RAB3IL1: variants seen among roughly 807,000 people sequenced by gnomAD.
The protein encoded by RAB3IL1 is RAB3A interacting protein like 1, also known as guanine nucleotide exchange factor for Rab-3A.
A neutral mutation model predicts 49.2 loss-of-function variants in RAB3IL1; 37 were observed. That is an observed-to-expected ratio of 0.75 (90% CI 0.58 to 0.99). The LOEUF is 0.99. Ranked by LOEUF, RAB3IL1 falls within the 50% of genes least tolerant of loss-of-function variation. The pLI is 0.00. For missense variants in RAB3IL1, 484 were observed against 513.0 expected (o/e 0.94, Z 0.55); for synonymous variants, 193 against 213.9 (o/e 0.90, Z 0.85).
the RAB3IL1 span, among the ~76,000 whole-genome samples, chr11:61,928,722 C>G: frequency 1.3e-5 from 2 of 152,202 alleles, no homozygotes; most frequent in African/African-American, 2.4e-5. Context: ...TGGTGACACC[C>G]CTGGCTCCAG....
chr11:61,899,030 A>G, intron 9 of RAB3IL1: 1 of 545,382 alleles, frequency 1.8e-6, no homozygotes, highest in East Asian at 3.6e-5. Context: ...GACCAGGAGG[A>G]GGGGCCACCA....
upstream of RAB3IL1, among the ~76,000 whole-genome samples, chr11:61,925,123 A>G (rs1430049252): frequency 6.6e-6 from 1 of 152,108 alleles, no homozygotes; most frequent in Admixed American, 6.6e-5. Context: ...GTGGTCCTTC[A>G]TTGCTTTCTG....
the RAB3IL1 span, among the ~76,000 whole-genome samples, chr11:61,943,972 T>C: frequency 3.3e-5 from 5 of 152,228 alleles, no homozygotes; most frequent in South Asian, 1.0e-3. Flanking sequence ...AGTTTCCTAA[T>C]TGTTTATAAC....
intron 1 of RAB3IL1, 109 bp downstream of exon 1, chr11:61,917,248 C>A: frequency 7.7e-7 from 1 of 1,296,448 alleles, no homozygotes; most frequent in East Asian, 3.2e-5. Flanking sequence ...GGGCGCACAG[C>A]ACCTCCGGGT....
At chr11:61,909,797 C>G (rs1352531967) in intron 1 of RAB3IL1, among the ~76,000 whole-genome samples, 1 of 152,236 alleles carries the variant, frequency 6.6e-6, no homozygotes, top group Middle Eastern at 3.2e-3. Flanking sequence ...TCTGACCACG[C>G]TGTCTCCTTT....
rs961934587 is a variant in RAB3IL1 at position 61,906,828 on chromosome 11, G to A, written c.439-144C>T. The A allele has an allele frequency of 5.0e-6, 4 of 792,274 alleles. No individual in the cohort carries two copies. The highest frequency in any genetic ancestry group is 1.7e-5 in the African/African-American group (1 of 58,984). 49.1% of individuals were successfully genotyped at this position (792,274 alleles called of 1,614,324 possible). A position where few individuals can be genotyped will look rare whatever the true frequency, so the allele number is the denominator to read the frequency against. ...CCGACGCCCTCAGAACAGCCTTCGA[G>A]GCAGAGACCCAGACACTCGTTTTAC... On this transcript the variant is annotated intron_variant, in intron 4 of 9. Transcript: ENST00000394836. The surrounding 1 kb of genome is among the most constrained non-coding windows in gnomAD (Gnocchi z 4.6).
chr11:61,922,666 C>T (rs1802607933), upstream of RAB3IL1, among the ~76,000 whole-genome samples: 1 of 152,194 alleles, frequency 6.6e-6, no homozygotes, highest in East Asian at 1.9e-4. Context: ...CCTCTGAGTC[C>T]CTGCTGGGGA....
At chr11:61,941,670 T>A in the RAB3IL1 span, among the ~76,000 whole-genome samples, 14 of 152,100 alleles carry the variant, frequency 9.2e-5, no homozygotes, top group Admixed American at 3.3e-4. Flanking sequence ...GAGAATGGCG[T>A]GAACCCAGGA....
intron 1 of RAB3IL1, among the ~76,000 whole-genome samples, chr11:61,911,515 C>A (rs1411435482): frequency 6.6e-6 from 1 of 152,192 alleles, no homozygotes; most frequent in Non-Finnish European, 1.5e-5. Context: ...GCCTGAAAAC[C>A]TGGCTGTGAA....
At chr11:61,930,819 A>T in the RAB3IL1 span, among the ~76,000 whole-genome samples, 1 of 152,220 alleles carries the variant, frequency 6.6e-6, no homozygotes, top group South Asian at 2.1e-4. Context: ...GAAAAACATT[A>T]TTAGTGTAGA....
At position 61,898,645 on chromosome 11, in the gene RAB3IL1, C is replaced by T. The variant is rs139055922; in HGVS notation, c.1067-285G>A. On this transcript the variant is annotated intron_variant, in intron 9 of 9. Coordinates refer to ENST00000394836, the MANE Select transcript of RAB3IL1 (RefSeq NM_013401.4). The surrounding 1 kb of genome is among the most constrained non-coding windows in gnomAD (Gnocchi z 5.1). ...CAAGCAGGTACACGCTGTCACATGCCACAGCGGTGGTCCAGACCTGGGAAC... is the reference window on the plus strand; with the variant it reads ...CAAGCAGGTACACGCTGTCACATGCTACAGCGGTGGTCCAGACCTGGGAAC... Among the ~76,000 whole-genome samples the T allele has an allele frequency of 5.2e-3, 794 of 152,360 alleles. 3 individuals are homozygous for T. Among genetic ancestry groups the T allele is most frequent in the South Asian group, 0.029 (139 of 4,828 alleles).
intron 8 of RAB3IL1, among the ~76,000 whole-genome samples, chr11:61,900,867 G>C (rs962805360): frequency 6.6e-6 from 1 of 152,182 alleles, no homozygotes; most frequent in Non-Finnish European, 1.5e-5. Context: ...TGTGGGGCCT[G>C]CTGTTGAGCC....
chr11:61,926,104 CAAAAAA>C, the RAB3IL1 span, among the ~76,000 whole-genome samples: 17 of 64,064 alleles, frequency 2.7e-4, no homozygotes, highest in African/African-American at 7.8e-4. Flanking sequence ...TCCTTCCTGC[CAAAAAA>C]AAAAAAAAAA....
upstream of RAB3IL1, among the ~76,000 whole-genome samples, chr11:61,921,509 C>A (rs1159840211): frequency 1.3e-5 from 2 of 152,134 alleles, no homozygotes; most frequent in Non-Finnish European, 2.9e-5. Flanking sequence ...TTGTTCATAC[C>A]CCCTCCTCTA....
At chr11:61,899,401 G>A (rs766842187) in intron 8 of RAB3IL1, 21 bp from the exon 9 acceptor site, 16 of 1,604,500 alleles carry the variant, frequency 1.0e-5, no homozygotes, top group African/African-American at 5.3e-5. Flanking sequence ...AGGTGGGGAC[G>A]GTGTGACCTG....
chr11:61,934,560 C>T, the RAB3IL1 span, among the ~76,000 whole-genome samples: 2 of 146,524 alleles, frequency 1.4e-5, no homozygotes, highest in Admixed American at 6.9e-5. Flanking sequence ...TCAAAAGTCC[C>T]TAAGGGCTTT....
chr11:61,909,842 C>T (rs967620407), intron 1 of RAB3IL1, among the ~76,000 whole-genome samples: 3 of 152,218 alleles, frequency 2.0e-5, no homozygotes, highest in Non-Finnish European at 4.4e-5. Flanking sequence ...TGCAGTGGCT[C>T]ACGCCTGTAA....
In RAB3IL1 at chr11:61,898,136, T is replaced by C; in HGVS notation, c.*142A>G. 5.3e-6 allele frequency: 4 copies of C among 755,468 alleles called. No homozygotes were observed. In the South Asian group the frequency reaches 6.4e-5, roughly 12 times the overall value. 46.8% of individuals were successfully genotyped at this position (755,468 alleles called of 1,614,324 possible). On this transcript the variant is annotated 3_prime_UTR_variant, in exon 10 of 10. Transcript: ENST00000394836. This position sits in a 1 kb window ranked among gnomAD's most constrained non-coding sequence, Gnocchi z 5.1. ...GGATGGACGTGTGGTGCTGGCTCAG[T>C]GCTGCCTCCATGGCCTGTCTGTCCA...
chr11:61,933,891 G>C, the RAB3IL1 span, among the ~76,000 whole-genome samples: 1 of 151,994 alleles, frequency 6.6e-6, no homozygotes, highest in Non-Finnish European at 1.5e-5. Flanking sequence ...GCGGCAATGA[G>C]CCAAGATTGC....
Sources: allele counts gnomAD v4.1 joint callset (sites outside exome capture counted in the v4.1 genomes callset), GRCh38; gene constraint gnomAD v4.1.1; non-coding constraint Gnocchi (gnomAD v3.1); transcripts MANE v1.5; gene names NCBI Gene and HGNC (gene_info 2026-07-23, HGNC 2026-07-21).